The following IKZF2 variants were observed in gnomAD, a reference collection of about 807,000 sequenced individuals.
IKZF2 encodes the protein zinc finger protein Helios.
In IKZF2, 15 loss-of-function variants were observed where a neutral mutation model predicts 49.2. The ratio of observed to expected loss-of-function variants is 0.30; its 90% confidence interval spans 0.20 to 0.47. The LOEUF (loss-of-function observed/expected upper bound fraction) is 0.47, where lower values mean the gene tolerates loss of function less well. IKZF2 is among the 20% of genes least tolerant of loss of function. IKZF2 has a pLI of 1.00. For missense variants in IKZF2, 567 were observed against 664.6 expected, an observed-to-expected ratio of 0.85 and a Z score of 1.61; for synonymous variants, 227 against 221.4, an observed-to-expected ratio of 1.03 and a Z score of -0.23.
At chr2:213,053,673 T>G (rs1188705585) in intron 5 of IKZF2, among the ~76,000 whole-genome samples, 1 of 152,188 alleles carries the variant, frequency 6.6e-6, no homozygotes, top group Non-Finnish European at 1.5e-5. Context: ...ATTCTATATG[T>G]ATAATGTCCA....
rs977882544 is a variant in IKZF2 at position 213,005,196 on chromosome 2, G to A, written c.*2164C>T. 8 of 130,036 alleles carry A rather than the reference G, an allele frequency of 6.2e-5. No individual in the cohort carries two copies. The highest frequency in any genetic ancestry group is 2.2e-4 in the African/African-American group (8 of 37,062). 8.1% of individuals were successfully genotyped at this position (130,036 alleles called of 1,614,324 possible). A position where few individuals can be genotyped will look rare whatever the true frequency, so the allele number is the denominator to read the frequency against. On this transcript the variant is annotated 3_prime_UTR_variant, in exon 9 of 9. Coordinates refer to ENST00000434687, the MANE Select transcript of IKZF2 (RefSeq NM_001387220.1). ...ATTATTTGGGAGTGGTTGGGTGGGG[G>A]GGGGTGAGCGAGTCTCAAAAACATG...
At chr2:213,127,265 G>A (rs1318467523) in intron 4 of IKZF2, among the ~76,000 whole-genome samples, 8 of 152,282 alleles carry the variant, frequency 5.3e-5, no homozygotes, top group African/African-American at 1.9e-4. Context: ...TGGAGAAGGG[G>A]TCAAGGGCAA....
intron 4 of IKZF2, among the ~76,000 whole-genome samples, chr2:213,088,893 C>T (rs78520443): frequency 0.036 from 5,440 of 152,188 alleles, 345 homozygotes; most frequent in African/African-American, 0.12. Flanking sequence ...CTTCAAAGAA[C>T]CCAGTGAAAT....
intron 4 of IKZF2, among the ~76,000 whole-genome samples, chr2:213,106,840 A>G (rs1321180109): frequency 6.6e-6 from 1 of 152,110 alleles, no homozygotes; most frequent in East Asian, 1.9e-4. Flanking sequence ...CATATATTTA[A>G]CATGTGATTA....
intron 4 of IKZF2, among the ~76,000 whole-genome samples, chr2:213,087,690 C>T (rs1704796275): frequency 6.6e-6 from 1 of 152,056 alleles, no homozygotes; most frequent in Non-Finnish European, 1.5e-5. Flanking sequence ...TGTGATGTTC[C>T]CCACCCTGTG....
At chr2:213,072,699 CT>C (rs1487548842) in intron 4 of IKZF2, among the ~76,000 whole-genome samples, 2 of 152,092 alleles carry the variant, frequency 1.3e-5, no homozygotes, top group Non-Finnish European at 2.9e-5. Flanking sequence ...CTTATCAAGC[CT>C]TGCATATTAG....
At chr2:213,076,482 C>T (rs1042022542) in intron 4 of IKZF2, among the ~76,000 whole-genome samples, 5 of 152,054 alleles carry the variant, frequency 3.3e-5, no homozygotes, top group African/African-American at 4.8e-5. Context: ...TAACATCTAT[C>T]GATCTATCTT....
chr2:213,135,164 C>CT (rs1229055909), intron 4 of IKZF2, among the ~76,000 whole-genome samples: 1 of 152,096 alleles, frequency 6.6e-6, no homozygotes, highest in Non-Finnish European at 1.5e-5. Context: ...GACTAAGGCT[C>CT]TTTTTTAAAA....
intron 6 of IKZF2, among the ~76,000 whole-genome samples, chr2:213,046,141 T>C (rs557633123): frequency 1.5e-4 from 23 of 152,288 alleles, no homozygotes; most frequent in African/African-American, 5.3e-4. Context: ...TGAACTTTGG[T>C]TAAGACTGTG....
chr2:213,112,468 C>CT (rs1394656199), intron 4 of IKZF2, among the ~76,000 whole-genome samples: 1 of 145,480 alleles, frequency 6.9e-6, no homozygotes. Context: ...TTCCTTCTTT[C>CT]TTTTTTTTTT....
At chr2:213,030,976 C>T (rs1446900493) in intron 6 of IKZF2, among the ~76,000 whole-genome samples, 1 of 152,054 alleles carries the variant, frequency 6.6e-6, no homozygotes, top group Non-Finnish European at 1.5e-5. Flanking sequence ...CAGGCACGTG[C>T]CACCACGTCT....
chr2:213,067,528 G>C (rs1702274709), intron 4 of IKZF2, among the ~76,000 whole-genome samples: 1 of 152,070 alleles, frequency 6.6e-6, no homozygotes, highest in Admixed American at 6.6e-5. Context: ...TAAAACCACA[G>C]AGCATTTAAA....
intron 6 of IKZF2, among the ~76,000 whole-genome samples, chr2:213,041,824 AC>A (rs1242373247): frequency 3.9e-5 from 6 of 152,160 alleles, no homozygotes; most frequent in Admixed American, 1.3e-4. Flanking sequence ...CTCAATATAA[AC>A]CTTAAGATGT....
At chr2:213,032,526 G>A (rs879527481) in intron 6 of IKZF2, among the ~76,000 whole-genome samples, 15 of 152,118 alleles carry the variant, frequency 9.9e-5, no homozygotes, top group African/African-American at 1.7e-4. Flanking sequence ...TAAAGCCCAG[G>A]AGTTCTAGAC....
chr2:213,043,847 C>T (rs1699894426), intron 6 of IKZF2, among the ~76,000 whole-genome samples: 1 of 152,232 alleles, frequency 6.6e-6, no homozygotes, highest in South Asian at 2.1e-4. Flanking sequence ...AAGAGGCCAC[C>T]CAGTGACTGG....
At chr2:213,124,252 G>GCGCGCGCGCGCGCACACA (rs1270409984) in intron 4 of IKZF2, among the ~76,000 whole-genome samples, 1 of 136,236 alleles carries the variant, frequency 7.3e-6, no homozygotes, top group Admixed American at 7.3e-5. Context: ...GCGCGCGCGC[G>GCGCGCGCGCGCGCACACA]CACACACACA....
At chr2:213,056,274 T>G (rs1701143686) in intron 5 of IKZF2, among the ~76,000 whole-genome samples, 1 of 152,156 alleles carries the variant, frequency 6.6e-6, no homozygotes, top group Non-Finnish European at 1.5e-5. Context: ...CAATCCTACA[T>G]ATATCCTTGC....
At chr2:213,045,049 G>T (rs2125298137) in intron 6 of IKZF2, among the ~76,000 whole-genome samples, 1 of 152,290 alleles carries the variant, frequency 6.6e-6, no homozygotes, top group South Asian at 2.1e-4. Context: ...TAGGTGTTTA[G>T]TAACCACATG....
intron 4 of IKZF2, among the ~76,000 whole-genome samples, chr2:213,099,774 T>C (rs1257801335): frequency 1.3e-5 from 2 of 152,154 alleles, no homozygotes; most frequent in African/African-American, 2.4e-5. Context: ...TTAACCTCTC[T>C]GACCCTTAGC....
Sources: gnomAD v4.1 joint callset for allele counts (sites outside exome capture counted in the v4.1 genomes callset) on GRCh38, gnomAD v4.1.1 for gene constraint, MANE v1.5 for transcripts, NCBI Gene and HGNC (gene_info 2026-07-23, HGNC 2026-07-21) for gene names.